Variants in FUS observed in about 807,000 individuals in gnomAD.
FUS encodes RNA-binding protein FUS.
FUS carries 5 observed loss-of-function variants against 82.7 expected under a neutral mutation model. The observed-to-expected ratio is 0.06, with a 90% CI of 0.03 to 0.13. The LOEUF (loss-of-function observed/expected upper bound fraction) is 0.13. Among genes scored for constraint, FUS ranks in the 10% least tolerant of loss-of-function variants. The pLI, the probability that FUS is intolerant of heterozygous loss-of-function variation, is 1.00. For missense variants in FUS, 512 were observed against 707.8 expected, an observed-to-expected ratio of 0.72 and a Z score of 3.14; for synonymous variants, 281 against 247.4, an observed-to-expected ratio of 1.14 and a Z score of -1.27.
In FUS at chr16:31,189,232, T is replaced by C. The variant is rs1437901604; in HGVS notation, c.936+6T>C. On this transcript the variant is annotated splice_donor_region_variant and intron_variant, in intron 9 of 14. Coordinates refer to ENST00000254108, the MANE Select transcript of FUS (RefSeq NM_004960.4). ...AGCAGATTGGTATTATTAAGGTACT[T>C]GTGGAGAGGAGTGGGAGCTTTCTGT... The C allele has an allele frequency of 1.3e-6, 2 of 1,586,008 alleles. No individual in the cohort carries two copies. Among genetic ancestry groups the C allele is most frequent in the Non-Finnish European group, 1.7e-6 (2 of 1,154,552 alleles).
Position 31,191,509 on chromosome 16 carries a change from C to T in FUS, c.*71C>T. ...CAGTGTTACCCTCGTTATTTTGTAA[C>T]CTTCCAATTCCTGATCACCCAAGGG... On this transcript the variant is annotated 3_prime_UTR_variant, in exon 15 of 15. Transcript: ENST00000254108. 1 of 1,506,568 alleles carries T rather than the reference C, an allele frequency of 6.6e-7. No individual in the cohort carries two copies. The allele number at this position is 1,506,568 out of a possible 1,614,324, so 93.3% of individuals were successfully genotyped here.
Position 31,182,501 on chromosome 16 carries a change from C to A in FUS, c.39-12C>A, listed in dbSNP as rs1162920137. On this transcript the variant is annotated splice_polypyrimidine_tract_variant and intron_variant, in intron 2 of 14. Coordinates refer to ENST00000254108, the MANE Select transcript of FUS (RefSeq NM_004960.4). ...CATGTTTTCTGATCACGCTGGTTTT[C>A]CTTTTATTTAGCTATGGGGCCTACC... 1 of 1,614,140 alleles carries A rather than the reference C, an allele frequency of 6.2e-7. No individual in the cohort carries two copies. Among genetic ancestry groups the A allele is most frequent in the Non-Finnish European group, 8.5e-7 (1 of 1,180,010 alleles).
chr16:31,185,448 G>C, intron 6 of FUS: 2 of 662,612 alleles, frequency 3.0e-6, no homozygotes, highest in South Asian at 3.1e-5. Flanking sequence ...ACATAGATAC[G>C]TATGGATTGG....
At chr16:31,192,507 A>G (rs1372272777), downstream of FUS, 1 of 514,864 alleles carries the variant, frequency 1.9e-6, no homozygotes, top group African/African-American at 1.9e-5. Context: ...CATCACAAGC[A>G]TAGCTTACAA....
At chr16:31,185,665 G>T (rs2079258747) in intron 6 of FUS, 2 of 465,244 alleles carry the variant, frequency 4.3e-6, no homozygotes, top group Admixed American at 2.5e-5. Context: ...GAATCCACGA[G>T]CTTGATTTGC....
In FUS at chr16:31,180,147, C is replaced by G. The variant is rs759359170; in HGVS notation, c.-68C>G. ...ACGCAGGAGGCGGGGCTGCTCAGTC[C>G]TCCAGGCGTCGGTACTCAGCGGTGT... On this transcript the variant is annotated 5_prime_UTR_variant, in exon 1 of 15. Transcript: ENST00000254108. 5 of 1,587,136 alleles carry G rather than the reference C, an allele frequency of 3.2e-6. No individual in the cohort carries two copies. In the African/African-American group the frequency reaches 5.4e-5, roughly 17 times the overall value.
downstream of FUS, chr16:31,193,125 A>G (rs1205609572): frequency 2.1e-6 from 1 of 483,958 alleles, no homozygotes; most frequent in Non-Finnish European, 4.1e-6. Flanking sequence ...TATTTTTAGT[A>G]GAGACGGGGT....
At chr16:31,191,773 G>T (rs192206514), downstream of FUS, 168 of 600,120 alleles carry the variant, frequency 2.8e-4, 1 homozygote, top group African/African-American at 2.5e-3. Flanking sequence ...TTTCTGTCAT[G>T]GGGAAAGTTG....
chr16:31,191,317 A>AGG, intron 14 of FUS, 82 bp from the exon 15 acceptor site: 1 of 1,558,796 alleles, frequency 6.4e-7, no homozygotes, highest in Non-Finnish European at 8.8e-7. Flanking sequence ...GTTAGGTAGG[A>AGG]GGGGCAGATA....
chr16:31,189,658 T>A lies in FUS; in HGVS notation c.937-7T>A. ...AAATTGATGTTACCTCATTTTGCTT[T>A]CTTCAGACAAACAAGAAAACGGGAC... On this transcript the variant is annotated splice_polypyrimidine_tract_variant and splice_region_variant and intron_variant, in intron 9 of 14. Transcript: ENST00000254108. 1.2e-6 allele frequency: 2 copies of A among 1,614,176 alleles called. No homozygotes were observed. The highest frequency in any genetic ancestry group is 1.7e-6 in the Non-Finnish European group (2 of 1,180,028).
intron 1 of FUS, 90 bp from the exon 2 acceptor site, chr16:31,182,308 T>G: frequency 6.8e-7 from 1 of 1,480,438 alleles, no homozygotes; most frequent in Non-Finnish European, 9.4e-7. Context: ...TCCTTTTTAT[T>G]CATCAGTGCT....
At chr16:31,188,595 C>G in intron 8 of FUS, 2 of 591,556 alleles carry the variant, frequency 3.4e-6, no homozygotes, top group Non-Finnish European at 6.0e-6. Context: ...GAAAATCTAC[C>G]TTTCTAACAA....
chr16:31,184,202 T>C lies in FUS; in HGVS notation c.336-7T>C. The C allele has an allele frequency of 6.2e-7, 1 of 1,614,122 alleles. No individual in the cohort carries two copies. Among genetic ancestry groups the C allele is most frequent in the Non-Finnish European group, 8.5e-7 (1 of 1,180,004 alleles). On this transcript the variant is annotated splice_polypyrimidine_tract_variant and splice_region_variant and intron_variant, in intron 4 of 14. Coordinates refer to ENST00000254108, the MANE Select transcript of FUS (RefSeq NM_004960.4). Reference sequence around the variant, plus strand: ...TTGTGATTGTGTTTTTTGTTTGTTTTCCCTAGTTACGGTAGCAGTTCTCAG... The same window carrying C: ...TTGTGATTGTGTTTTTTGTTTGTTTCCCCTAGTTACGGTAGCAGTTCTCAG...
intron 1 of FUS, among the ~76,000 whole-genome samples, chr16:31,180,690 A>T (rs1268523391): frequency 6.6e-6 from 1 of 152,022 alleles, no homozygotes; most frequent in Non-Finnish European, 1.5e-5. Flanking sequence ...TTCTGTCGCG[A>T]GACCCTTCGC....
At chr16:31,192,095 G>A (rs867146110), downstream of FUS, 3 of 532,236 alleles carry the variant, frequency 5.6e-6, no homozygotes, top group South Asian at 1.5e-5. Context: ...GATCTAGGAG[G>A]TGAGTGACTC....
chr16:31,180,185 G>A lies in FUS; in HGVS notation c.-30G>A. 1 of 1,608,706 alleles carries A rather than the reference G, an allele frequency of 6.2e-7. No homozygotes were observed. Among genetic ancestry groups the A allele is most frequent in the Non-Finnish European group, 8.5e-7 (1 of 1,177,292 alleles). On this transcript the variant is annotated 5_prime_UTR_variant, in exon 1 of 15. Transcript: ENST00000254108. ...TACTCAGCGGTGTTGGAACTTCGTTGCTTGCTTGCCTGTGCGCGCGTGCGC... is the reference window on the plus strand; with the variant it reads ...TACTCAGCGGTGTTGGAACTTCGTTACTTGCTTGCCTGTGCGCGCGTGCGC...
Position 31,182,592 on chromosome 16 carries a change from G to C in FUS, c.118G>C (p.Gly40Arg). The C allele has an allele frequency of 6.2e-7, 1 of 1,614,164 alleles. No individual in the cohort carries two copies. Among genetic ancestry groups the C allele is most frequent in the Non-Finnish European group, 8.5e-7 (1 of 1,180,018 alleles). Reference sequence around the variant, plus strand: ...GCCCTACGGACAGCAGAGTTACAGTGGTTATAGCCAGTCCACGGACACTTC... The same window carrying C: ...GCCCTACGGACAGCAGAGTTACAGTCGTTATAGCCAGTCCACGGACACTTC... ...SQPYGQQSYSGYSQSTDTSGY... is the reference protein window; with the variant it reads ...SQPYGQQSYSRYSQSTDTSGY... The change falls in exon 3 of 15, where the codon GGT becomes CGT. Residue 40 changes from glycine to arginine, a missense_variant. By Grantham distance (125) the Gly-to-Arg change is moderately radical. Coordinates refer to ENST00000254108, the MANE Select transcript of FUS (RefSeq NM_004960.4).
chr16:31,182,878 G>C (rs1233871268), intron 3 of FUS: 1 of 565,400 alleles, frequency 1.8e-6, no homozygotes, highest in Admixed American at 2.9e-5. Context: ...TACCACGCCT[G>C]GCTAATTTTG....
intron 7 of FUS, chr16:31,187,258 C>G: frequency 3.3e-6 from 1 of 303,180 alleles, no homozygotes; most frequent in South Asian, 6.9e-5. Context: ...ATGTTTAATT[C>G]TGGAAGAGGG....
Sources: gnomAD v4.1 joint callset for allele counts (sites outside exome capture counted in the v4.1 genomes callset) on GRCh38, gnomAD v4.1.1 for gene constraint, MANE v1.5 for transcripts, NCBI Gene and HGNC (gene_info 2026-07-23, HGNC 2026-07-21) for gene names.